RYR2: variants seen among roughly 807,000 people sequenced by gnomAD.
The protein encoded by RYR2 is cardiac muscle ryanodine receptor-calcium release channel.
A neutral mutation model predicts 601.1 loss-of-function variants in RYR2; 227 were observed. The ratio of observed to expected loss-of-function variants is 0.38; its 90% CI spans 0.34 to 0.42. RYR2 has a LOEUF of 0.42. Ranked by LOEUF, RYR2 falls within the 10% of genes least tolerant of loss-of-function variation. The probability of loss-of-function intolerance (pLI) is 1.00; values close to 1 mark genes in which losing one functional copy is unlikely to be tolerated. For missense variants in RYR2, 4,646 were observed against 6,156.5 expected (o/e 0.75, Z 8.21); for synonymous variants, 2,223 against 2,175.1 (o/e 1.02, Z -0.61).
At chr1:237,453,146 A>T (rs1658401309) in intron 14 of RYR2, among the ~76,000 whole-genome samples, 1 of 152,076 alleles carries the variant, frequency 6.6e-6, no homozygotes, top group Non-Finnish European at 1.5e-5. Flanking sequence ...ACTGCATGTG[A>T]ATTAAATGGG....
At position 237,654,337 on chromosome 1, in the gene RYR2, T is replaced by G; in HGVS notation, c.7888T>G (p.Phe2630Val). ...YYCLPGGWGNFGAASEEELHL... is the reference protein window; with the variant it reads ...YYCLPGGWGNVGAASEEELHL... ...CTGCCTGCCTGGAGGGTGGGGAAAC[T>G]TTGGTGCTGCCTCAGAAGAAGAACT... Residue 2630 changes from phenylalanine (F) to valine (V), a missense_variant, in exon 52 of 105, where the codon TTT becomes GTT. Around this residue, in one of 17 missense-constraint regions of RYR2, gnomAD observed 1,497 missense variants for 1,842.6 expected, o/e 0.81. Transcript: ENST00000366574. 6.2e-7 allele frequency: 1 copy of G among 1,613,930 alleles called. No homozygotes were observed. Among genetic ancestry groups the G allele is most frequent in the South Asian group, 1.1e-5 (1 of 91,086 alleles).
intron 10 of RYR2, among the ~76,000 whole-genome samples, chr1:237,403,671 C>G (rs12061692): frequency 0.1 from 15,584 of 152,178 alleles, 1,607 homozygotes; most frequent in African/African-American, 0.27. Flanking sequence ...ACCAGTCCCC[C>G]CTCCTTGGCC....
chr1:237,178,450 G>C (rs1176692806), intron 1 of RYR2, among the ~76,000 whole-genome samples: 2 of 148,688 alleles, frequency 1.3e-5, no homozygotes, highest in Admixed American at 1.4e-4. Flanking sequence ...GTGTGTGTGT[G>C]TGTGTGTGTG....
chr1:237,832,999 T>A lies in RYR2; in HGVS notation c.*352T>A, dbSNP rs1663977196. On this transcript the variant is annotated 3_prime_UTR_variant, in exon 105 of 105. Transcript: ENST00000366574. ...TCACAGAGACACGTGGCAGCCACAC[T>A]CACCCAGCCTCTTTATTTCACCATC... The A allele has an allele frequency of 1.7e-5, 3 of 175,922 alleles. No homozygotes were observed. 10.9% of individuals were successfully genotyped at this position (175,922 alleles called of 1,614,324 possible).
intron 3 of RYR2, among the ~76,000 whole-genome samples, chr1:237,351,811 G>C (rs1383743419): frequency 3.1e-5 from 4 of 128,088 alleles, no homozygotes; most frequent in African/African-American, 1.2e-4. Context: ...CTGATTTTAT[G>C]AGGCCAACAT....
Position 237,643,575 on chromosome 1 carries a change from GT to G in RYR2, c.7342+135del, listed in dbSNP as rs535549957. 3.0e-4 allele frequency: 264 copies of G among 871,780 alleles called. 1 individual carries two copies. The African/African-American group carries it at 3.9e-3, about 13-fold the overall frequency. 54.0% of individuals were successfully genotyped at this position (871,780 alleles called of 1,614,324 possible). A position where few individuals can be genotyped will look rare whatever the true frequency, so the allele number is the denominator to read the frequency against. On this transcript the variant is annotated intron_variant, in intron 48 of 104. Coordinates refer to ENST00000366574, the MANE Select transcript of RYR2 (RefSeq NM_001035.3). ...AATTATGTGTATACTACTTAAATTA[GT>G]TTTTTTAAAAAAGCTGTAAAGTATA... is the stretch of plus-strand genomic sequence containing the variant.
intron 1 of RYR2, among the ~76,000 whole-genome samples, chr1:237,048,239 T>C (rs990210418): frequency 1.1e-4 from 16 of 152,240 alleles, no homozygotes; most frequent in African/African-American, 3.4e-4. Context: ...TTTACGGACT[T>C]AGAACAACAG....
chr1:237,245,593 A>G (rs545309181), intron 1 of RYR2, among the ~76,000 whole-genome samples: 2 of 152,322 alleles, frequency 1.3e-5, no homozygotes, highest in East Asian at 3.9e-4. Context: ...TCAACCGTGT[A>G]TCAAGGTGGA....
rs549016397 is a variant in RYR2, at chr1:237,284,478, A to G, written c.168+13862A>G. ...CTGCATAGTAATCCACTATATATAC[A>G]TATATATAATATATAAAATATATAT... On this transcript the variant is annotated intron_variant, in intron 2 of 104. Coordinates refer to ENST00000366574, the MANE Select transcript of RYR2 (RefSeq NM_001035.3). Among the ~76,000 whole-genome samples the G allele has an allele frequency of 1.0e-3, 47 of 45,526 alleles. 1 individual carries two copies. The African/African-American group carries it at 0.013, about 12-fold the overall frequency. 29.9% of individuals were successfully genotyped at this position (45,526 alleles called of 152,430 possible).
chr1:237,047,785 C>T (rs1426696019), intron 1 of RYR2, among the ~76,000 whole-genome samples: 3 of 152,084 alleles, frequency 2.0e-5, no homozygotes, highest in African/African-American at 4.8e-5. Flanking sequence ...GCTTTTCATT[C>T]CTTTTACTCC....
intron 1 of RYR2, among the ~76,000 whole-genome samples, chr1:237,208,184 A>G (rs1257734044): frequency 1.3e-5 from 2 of 152,370 alleles, no homozygotes; most frequent in East Asian, 3.9e-4. Flanking sequence ...TATATGTTGC[A>G]TAGCTGATCA....
At chr1:237,445,981 T>A (rs1240438718) in intron 14 of RYR2, among the ~76,000 whole-genome samples, 1 of 152,062 alleles carries the variant, frequency 6.6e-6, no homozygotes, top group African/African-American at 2.4e-5. Flanking sequence ...CATGCCTAGC[T>A]AATTTTTGTA....
intron 34 of RYR2, among the ~76,000 whole-genome samples, chr1:237,599,741 T>G (rs1290296647): frequency 6.8e-6 from 1 of 148,010 alleles, no homozygotes; most frequent in African/African-American, 2.6e-5. Context: ...GAGAATCACT[T>G]GAACCCAGGA....
At chr1:237,704,771 G>T (rs1244604389) in intron 66 of RYR2, among the ~76,000 whole-genome samples, 2 of 151,712 alleles carry the variant, frequency 1.3e-5, no homozygotes, top group African/African-American at 4.8e-5. Context: ...AAGACATTTT[G>T]AAAAAAATAG....
At chr1:237,477,571 G>A (rs1433855440) in intron 17 of RYR2, among the ~76,000 whole-genome samples, 1 of 152,156 alleles carries the variant, frequency 6.6e-6, no homozygotes, top group Non-Finnish European at 1.5e-5. Flanking sequence ...TGTCTGGTCT[G>A]ATTGCATCTT....
intron 1 of RYR2, among the ~76,000 whole-genome samples, chr1:237,197,233 T>A (rs1341213557): frequency 6.6e-6 from 1 of 152,182 alleles, no homozygotes; most frequent in Non-Finnish European, 1.5e-5. Flanking sequence ...TGTCGTTTCA[T>A]TGCACTAGCT....
At chr1:237,588,883 T>C (rs1244755167) in intron 29 of RYR2, among the ~76,000 whole-genome samples, 1 of 113,336 alleles carries the variant, frequency 8.8e-6, no homozygotes. Context: ...TATCATCTCA[T>C]CCCCTTGTGA....
intron 1 of RYR2, among the ~76,000 whole-genome samples, chr1:237,147,641 A>T (rs1315895898): frequency 6.6e-6 from 1 of 152,226 alleles, no homozygotes. Context: ...CTCATGGTGA[A>T]TACATCATGT....
chr1:237,597,177 C>T (rs1358170505), intron 34 of RYR2, among the ~76,000 whole-genome samples: 1 of 151,868 alleles, frequency 6.6e-6, no homozygotes. Context: ...GGTTAAAAGT[C>T]AAAATTGTCA....
Sources: gnomAD v4.1 joint callset for allele counts (sites outside exome capture counted in the v4.1 genomes callset) on GRCh38, gnomAD v4.1.1 for gene constraint, gnomAD v4.1.1 regional missense constraint, MANE v1.5 for transcripts, NCBI Gene and HGNC (gene_info 2026-07-23, HGNC 2026-07-21) for gene names.